The following CACNA2D3 variants were observed in gnomAD, a reference collection of about 807,000 sequenced individuals.
CACNA2D3 encodes calcium voltage-gated channel auxiliary subunit alpha2delta 3, also known as voltage-dependent calcium channel subunit alpha-2/delta-3.
A neutral mutation model predicts 160.6 loss-of-function variants in CACNA2D3; 60 were observed. That is an observed-to-expected ratio of 0.37 (90% CI 0.30 to 0.46). CACNA2D3 has a LOEUF of 0.46. CACNA2D3 is among the 20% of genes least tolerant of loss of function. The pLI, the probability that CACNA2D3 is intolerant of heterozygous loss-of-function variation, is 1.00. For missense variants in CACNA2D3, 1,205 were observed against 1,365.0 expected (o/e 0.88, Z 1.85); for synonymous variants, 558 against 492.9 (o/e 1.13, Z -1.75).
chr3:54,538,587 A>G (rs1414993208), intron 5 of CACNA2D3, among the ~76,000 whole-genome samples: 2 of 152,050 alleles, frequency 1.3e-5, no homozygotes, highest in African/African-American at 4.8e-5. Flanking sequence ...GAGAGAGAGG[A>G]TGCCAAGCTT....
At chr3:54,726,762 C>G (rs1575443629) in intron 11 of CACNA2D3, among the ~76,000 whole-genome samples, 1 of 152,138 alleles carries the variant, frequency 6.6e-6, no homozygotes, top group East Asian at 1.9e-4. Flanking sequence ...CAAAAATCAA[C>G]TCAAGGTGGA....
chr3:55,038,115 T>C (rs1703870569), intron 35 of CACNA2D3, among the ~76,000 whole-genome samples: 1 of 152,214 alleles, frequency 6.6e-6, no homozygotes, highest in Non-Finnish European at 1.5e-5. Flanking sequence ...TGCTGTTTTA[T>C]CCAAATAGAC....
chr3:54,445,555 TACACACACACAC>T (rs3028897), intron 4 of CACNA2D3, among the ~76,000 whole-genome samples: 8 of 147,112 alleles, frequency 5.4e-5, no homozygotes, highest in East Asian at 4.0e-4. Context: ...TTTCTATGTA[TACACACACACAC>T]ACACACACAC....
At chr3:54,513,524 AG>A (rs1280526627) in intron 5 of CACNA2D3, among the ~76,000 whole-genome samples, 2 of 152,202 alleles carry the variant, frequency 1.3e-5, no homozygotes, top group Non-Finnish European at 2.9e-5. Context: ...AGACTTGCTC[AG>A]AATTACTCAG....
chr3:54,370,715 C>G (rs1401245927), intron 3 of CACNA2D3, among the ~76,000 whole-genome samples: 1 of 151,546 alleles, frequency 6.6e-6, no homozygotes, highest in Non-Finnish European at 1.5e-5. Context: ...GAAATAGTCA[C>G]ATAGCATATA....
At chr3:54,753,441 T>C (rs998864570) in intron 12 of CACNA2D3, among the ~76,000 whole-genome samples, 7 of 152,190 alleles carry the variant, frequency 4.6e-5, no homozygotes, top group African/African-American at 1.4e-4. Context: ...TTGTGAACTC[T>C]GAAGGTACAT....
intron 2 of CACNA2D3, among the ~76,000 whole-genome samples, chr3:54,157,689 G>A (rs1295589788): frequency 6.6e-6 from 1 of 152,096 alleles, no homozygotes; most frequent in East Asian, 1.9e-4. Context: ...TACTTGGGAG[G>A]CTGAGGCAGG....
intron 4 of CACNA2D3, among the ~76,000 whole-genome samples, chr3:54,476,506 T>C (rs1348714373): frequency 6.6e-6 from 1 of 152,120 alleles, no homozygotes; most frequent in East Asian, 1.9e-4. Context: ...GTGGCTGTAC[T>C]AACTTACATT....
chr3:54,384,759 G>A (rs567655150), intron 3 of CACNA2D3, among the ~76,000 whole-genome samples: 9 of 152,106 alleles, frequency 5.9e-5, no homozygotes, highest in East Asian at 3.9e-4. Flanking sequence ...TCACTCTGTC[G>A]CCCAGGCTGG....
chr3:54,127,049 A>G (rs1208529605), intron 2 of CACNA2D3, among the ~76,000 whole-genome samples: 2 of 152,234 alleles, frequency 1.3e-5, no homozygotes, highest in Non-Finnish European at 2.9e-5. Context: ...CAAAGGCATT[A>G]AACTGGCTGA....
intron 11 of CACNA2D3, among the ~76,000 whole-genome samples, chr3:54,659,919 T>A (rs1699937243): frequency 6.6e-6 from 1 of 152,094 alleles, no homozygotes; most frequent in Admixed American, 6.5e-5. Flanking sequence ...AACAAGCAGA[T>A]TTAGGCCAAA....
At chr3:54,598,307 CAAAAA>C (rs10656534) in intron 9 of CACNA2D3, among the ~76,000 whole-genome samples, 73 of 49,842 alleles carry the variant, frequency 1.5e-3, no homozygotes, top group African/African-American at 3.3e-3. Flanking sequence ...CTCCGTCTCA[CAAAAA>C]AAAAAAAAAA....
intron 4 of CACNA2D3, among the ~76,000 whole-genome samples, chr3:54,391,564 G>A (rs1314375438): frequency 6.6e-6 from 1 of 150,856 alleles, no homozygotes; most frequent in East Asian, 1.9e-4. Context: ...AGACCGGAGT[G>A]CAGTGGTGCG....
At chr3:54,794,357 A>G (rs1559584081) in intron 13 of CACNA2D3, among the ~76,000 whole-genome samples, 1 of 152,120 alleles carries the variant, frequency 6.6e-6, no homozygotes, top group Non-Finnish European at 1.5e-5. Context: ...ACTATACGCT[A>G]TTATTAAGAT....
rs139748147 is a variant in CACNA2D3, at chr3:54,562,054, A to G, written c.545-746A>G. ...CCTGCCCCACCCCCATGATTCAATT[A>G]TCTCCTACCAGGTCCCTCCCACAAC... On this transcript the variant is annotated intron_variant, in intron 5 of 37. Transcript: ENST00000474759. Among the ~76,000 whole-genome samples, 776 of 152,284 alleles carry G rather than the reference A, an allele frequency of 5.1e-3. 4 individuals are homozygous for G. Among genetic ancestry groups the G allele is most frequent in the African/African-American group, 0.016 (682 of 41,566 alleles).
In CACNA2D3 at chr3:54,911,351, C is replaced by CTTTTTT. The variant is rs58289082; in HGVS notation, c.2449+11500_2449+11505dup. ...CCTCCTCCCCCTCCTTCTTTGTCGT[C>CTTTTTT]TTTTTTTTTTTTTTTTTTTTTTAAA... On this transcript the variant is annotated intron_variant, in intron 27 of 37. Transcript: ENST00000474759. Among the ~76,000 whole-genome samples, 366 of 58,564 alleles carry CTTTTTT rather than the reference C, an allele frequency of 6.2e-3. 33 individuals are homozygous for CTTTTTT. Among genetic ancestry groups the CTTTTTT allele is most frequent in the East Asian group, 0.015 (24 of 1,550 alleles). 38.4% of individuals were successfully genotyped at this position (58,564 alleles called of 152,430 possible).
chr3:54,294,620 A>C (rs555492042), intron 2 of CACNA2D3, among the ~76,000 whole-genome samples: 1 of 152,352 alleles, frequency 6.6e-6, no homozygotes, highest in African/African-American at 2.4e-5. Context: ...GTTCAAATCT[A>C]AAAACAACAC....
chr3:54,148,974 CAAAAA>C (rs543235870), intron 2 of CACNA2D3, among the ~76,000 whole-genome samples: 7 of 116,590 alleles, frequency 6.0e-5, no homozygotes, highest in Admixed American at 3.5e-4. Flanking sequence ...AAAACTCCAT[CAAAAA>C]AAAAAAAAAA....
chr3:54,717,340 C>T (rs1281710032), intron 11 of CACNA2D3, among the ~76,000 whole-genome samples: 1 of 152,184 alleles, frequency 6.6e-6, no homozygotes, highest in Non-Finnish European at 1.5e-5. Context: ...TAGGGAATAT[C>T]CAGGAGTCGA....
Sources: gnomAD v4.1 joint callset for allele counts (sites outside exome capture counted in the v4.1 genomes callset) on GRCh38, gnomAD v4.1.1 for gene constraint, MANE v1.5 for transcripts, NCBI Gene and HGNC (gene_info 2026-07-23, HGNC 2026-07-21) for gene names.